CNTN5: variants seen among roughly 807,000 people sequenced by gnomAD.
CNTN5 encodes the protein contactin-5.
A neutral mutation model predicts 129.1 loss-of-function variants in CNTN5; 77 were observed. The observed-to-expected ratio is 0.60, with a 90% CI of 0.50 to 0.72. The LOEUF (loss-of-function observed/expected upper bound fraction) is 0.72. Ranked by LOEUF, CNTN5 falls within the 30% of genes least tolerant of loss-of-function variation. CNTN5 has a pLI of 0.00. For synonymous variants in CNTN5, 509 were observed against 465.6 expected (o/e 1.09, Z -1.20); for missense variants, 1,478 against 1,328.8 (o/e 1.11, Z -1.75).
intron 1 of CNTN5, among the ~76,000 whole-genome samples, chr11:99,197,640 A>G (rs1282250706): frequency 6.6e-6 from 1 of 152,080 alleles, no homozygotes; most frequent in African/African-American, 2.4e-5. Flanking sequence ...ACAGCTTCAC[A>G]GCAAGAATGT....
At chr11:99,082,335 C>A (rs1007302365) in intron 1 of CNTN5, among the ~76,000 whole-genome samples, 1 of 152,090 alleles carries the variant, frequency 6.6e-6, no homozygotes, top group Non-Finnish European at 1.5e-5. Context: ...CAGGCGCATG[C>A]CACCATGCCC....
At chr11:99,620,715 C>T (rs191750303) in intron 3 of CNTN5, among the ~76,000 whole-genome samples, 7 of 151,944 alleles carry the variant, frequency 4.6e-5, no homozygotes, top group African/African-American at 1.7e-4. Flanking sequence ...CCCCCGCTCC[C>T]CCCCGGCCAT....
intron 3 of CNTN5, among the ~76,000 whole-genome samples, chr11:99,675,985 TACC>T (rs144189288): frequency 0.016 from 2,470 of 152,302 alleles, 78 homozygotes; most frequent in African/African-American, 0.056. Flanking sequence ...TGATTTTCAC[TACC>T]ATCATCTCAG....
intron 9 of CNTN5, among the ~76,000 whole-genome samples, chr11:100,004,309 T>C (rs553045261): frequency 6.4e-4 from 97 of 152,214 alleles, no homozygotes; most frequent in African/African-American, 2.1e-3. Flanking sequence ...TTTTTTTTTG[T>C]CTTGTGGCCT....
intron 1 of CNTN5, among the ~76,000 whole-genome samples, chr11:99,253,315 A>C (rs1862208660): frequency 6.6e-6 from 1 of 152,078 alleles, no homozygotes; most frequent in African/African-American, 2.4e-5. Flanking sequence ...GAAACTGTGA[A>C]TCCATTAAAT....
intron 1 of CNTN5, among the ~76,000 whole-genome samples, chr11:99,076,609 A>T (rs1865588152): frequency 1.3e-5 from 2 of 152,140 alleles, no homozygotes; most frequent in Admixed American, 1.3e-4. Flanking sequence ...TAAAAAATAG[A>T]TTAAAAGTTA....
intron 1 of CNTN5, among the ~76,000 whole-genome samples, chr11:99,067,959 G>T (rs1423256830): frequency 1.3e-5 from 2 of 152,090 alleles, no homozygotes; most frequent in Non-Finnish European, 2.9e-5. Context: ...TCGTGATAGT[G>T]AGTGAGTTAT....
intron 1 of CNTN5, among the ~76,000 whole-genome samples, chr11:99,209,419 C>T (rs777026277): frequency 1.2e-4 from 18 of 151,984 alleles, no homozygotes; most frequent in South Asian, 1.0e-3. Flanking sequence ...AGTCACATGG[C>T]GAGACCAGGA....
At chr11:99,248,800 C>T (rs527853818) in intron 1 of CNTN5, among the ~76,000 whole-genome samples, 3 of 152,162 alleles carry the variant, frequency 2.0e-5, no homozygotes, top group African/African-American at 7.2e-5. Flanking sequence ...TTTCTGAGGG[C>T]TCAGTTCTGT....
intron 15 of CNTN5, among the ~76,000 whole-genome samples, chr11:100,202,349 A>G (rs576505775): frequency 1.2e-4 from 18 of 151,930 alleles, no homozygotes; most frequent in African/African-American, 3.9e-4. Context: ...TTGTGAGTCA[A>G]TTATTTCCAT....
At chr11:99,035,122 G>A (rs1408513558) in intron 1 of CNTN5, among the ~76,000 whole-genome samples, 3 of 151,314 alleles carry the variant, frequency 2.0e-5, no homozygotes, top group Non-Finnish European at 4.4e-5. Context: ...TGATTGCACT[G>A]TGGTCTGAGA....
At chr11:100,148,545 T>C (rs932758326) in intron 13 of CNTN5, among the ~76,000 whole-genome samples, 3 of 152,200 alleles carry the variant, frequency 2.0e-5, no homozygotes, top group African/African-American at 7.2e-5. Flanking sequence ...TGAGATCTGC[T>C]AACTAACTCC....
intron 7 of CNTN5, among the ~76,000 whole-genome samples, chr11:99,928,426 C>A (rs1950112393): frequency 6.6e-6 from 1 of 152,216 alleles, no homozygotes; most frequent in Non-Finnish European, 1.5e-5. Flanking sequence ...TCTGTCCCTG[C>A]AGCAAGCTTC....
intron 2 of CNTN5, among the ~76,000 whole-genome samples, chr11:99,513,034 G>C (rs1946899084): frequency 6.6e-6 from 1 of 152,124 alleles, no homozygotes; most frequent in South Asian, 2.1e-4. Flanking sequence ...AGTTCCAAAT[G>C]CAAAGGGAAA....
chr11:100,315,673 A>G (rs1455768227), intron 21 of CNTN5, among the ~76,000 whole-genome samples: 1 of 152,166 alleles, frequency 6.6e-6, no homozygotes, highest in Admixed American at 6.6e-5. Context: ...CACAAAAATG[A>G]CCATCTGAAG....
chr11:99,102,108 G>C (rs148133693), intron 1 of CNTN5, among the ~76,000 whole-genome samples: 1 of 152,146 alleles, frequency 6.6e-6, no homozygotes, highest in Non-Finnish European at 1.5e-5. Flanking sequence ...ACCCTCTGAA[G>C]ACACAATCTG....
intron 7 of CNTN5, among the ~76,000 whole-genome samples, chr11:99,920,505 AAC>A (rs1270948486): frequency 6.6e-6 from 1 of 152,138 alleles, no homozygotes; most frequent in Non-Finnish European, 1.5e-5. Flanking sequence ...TCTAAATCTG[AAC>A]TCCTGGTTAT....
intron 1 of CNTN5, among the ~76,000 whole-genome samples, chr11:99,233,447 C>T (rs1400574392): frequency 1.3e-5 from 2 of 152,122 alleles, no homozygotes; most frequent in African/African-American, 4.8e-5. Context: ...GTACAAATAA[C>T]ATACTGGTAT....
At chr11:100,344,469 G>A (rs911817364) in intron 23 of CNTN5, among the ~76,000 whole-genome samples, 1 of 152,100 alleles carries the variant, frequency 6.6e-6, no homozygotes, top group Non-Finnish European at 1.5e-5. Context: ...ATAGAGACTG[G>A]TGGTTATCAG....
Sources: gnomAD v4.1 joint callset for allele counts (sites outside exome capture counted in the v4.1 genomes callset) on GRCh38, gnomAD v4.1.1 for gene constraint, MANE v1.5 for transcripts, NCBI Gene and HGNC (gene_info 2026-07-23, HGNC 2026-07-21) for gene names.